PRKN: variants seen among roughly 807,000 people sequenced by gnomAD.
The protein encoded by PRKN is parkin RBR E3 ubiquitin protein ligase.
PRKN carries 56 observed loss-of-function variants against 59.5 expected under a neutral mutation model. The observed-to-expected ratio is 0.94, with a 90% CI of 0.76 to 1.18. PRKN has a LOEUF of 1.18. Ranked by LOEUF, PRKN falls within the 50% of genes most tolerant of loss-of-function variation. PRKN has a pLI of 0.00. For missense variants in PRKN, 657 were observed against 596.4 expected (o/e 1.10, Z -1.06); for synonymous variants, 250 against 222.1 (o/e 1.13, Z -1.12).
At chr6:162,571,935 A>G (rs905293514) in intron 1 of PRKN, among the ~76,000 whole-genome samples, 1 of 152,204 alleles carries the variant, frequency 6.6e-6, no homozygotes, top group Non-Finnish European at 1.5e-5. Context: ...AAGCAAGTAT[A>G]ATAAAGGTAC....
At chr6:162,252,337 T>C (rs1183334200) in intron 3 of PRKN, among the ~76,000 whole-genome samples, 1 of 152,206 alleles carries the variant, frequency 6.6e-6, no homozygotes, top group African/African-American at 2.4e-5. Flanking sequence ...TTTGCCTATC[T>C]GTATATAGAA....
intron 2 of PRKN, among the ~76,000 whole-genome samples, chr6:162,402,588 CTATACAATAAATCA>C (rs1160199551): frequency 6.6e-6 from 1 of 151,704 alleles, no homozygotes; most frequent in Non-Finnish European, 1.5e-5. Context: ...AACTAAAGCA[CTATACAATAAATCA>C]TAAATAGTAG....
At chr6:161,717,531 G>A (rs1355030842) in intron 7 of PRKN, among the ~76,000 whole-genome samples, 1 of 152,214 alleles carries the variant, frequency 6.6e-6, no homozygotes, top group Non-Finnish European at 1.5e-5. Context: ...ACTGTGGGGA[G>A]CAGGAATATG....
intron 4 of PRKN, among the ~76,000 whole-genome samples, chr6:162,064,579 C>T (rs1778247824): frequency 6.6e-6 from 1 of 152,178 alleles, no homozygotes; most frequent in Admixed American, 6.5e-5. Flanking sequence ...CATCAGGCTA[C>T]AAAACTCTTA....
At chr6:161,707,095 G>A (rs1475765454) in intron 7 of PRKN, among the ~76,000 whole-genome samples, 1 of 152,052 alleles carries the variant, frequency 6.6e-6, no homozygotes, top group Non-Finnish European at 1.5e-5. Context: ...TGGTAGATTT[G>A]AAGCAATGCT....
chr6:161,656,512 G>A (rs1444800821), intron 7 of PRKN, among the ~76,000 whole-genome samples: 1 of 152,188 alleles, frequency 6.6e-6, no homozygotes, highest in East Asian at 1.9e-4. Context: ...GGAGTTGGGA[G>A]GAGGCCTGCA....
At chr6:162,509,797 C>T (rs1007513939) in intron 1 of PRKN, among the ~76,000 whole-genome samples, 2 of 152,142 alleles carry the variant, frequency 1.3e-5, no homozygotes, top group Non-Finnish European at 2.9e-5. Context: ...TGGTGTAAAT[C>T]ATTAAATTAT....
intron 1 of PRKN, among the ~76,000 whole-genome samples, chr6:162,574,999 T>C (rs929920350): frequency 2.6e-5 from 4 of 152,164 alleles, no homozygotes; most frequent in African/African-American, 9.7e-5. Context: ...TCCCAGTTTA[T>C]GGTCCATCTT....
intron 3 of PRKN, among the ~76,000 whole-genome samples, chr6:162,218,750 G>A (rs1777807477): frequency 6.6e-6 from 1 of 152,102 alleles, no homozygotes. Context: ...CCCTATGTGA[G>A]GACCTGGTGC....
chr6:161,936,040 A>G (rs1336194870), intron 6 of PRKN, among the ~76,000 whole-genome samples: 25 of 152,212 alleles, frequency 1.6e-4, no homozygotes, highest in Non-Finnish European at 4.4e-5. Flanking sequence ...ATTTTAAACA[A>G]ATGAGATCAA....
chr6:161,990,458 A>G (rs1344701331), intron 5 of PRKN, among the ~76,000 whole-genome samples: 1 of 152,254 alleles, frequency 6.6e-6, no homozygotes, highest in Non-Finnish European at 1.5e-5. Context: ...AGGCACTGTA[A>G]AAAGCTCAAT....
At chr6:161,605,889 G>A (rs1782262451) in intron 7 of PRKN, among the ~76,000 whole-genome samples, 1 of 152,062 alleles carries the variant, frequency 6.6e-6, no homozygotes, top group African/African-American at 2.4e-5. Flanking sequence ...AGCATCCTAT[G>A]GTATCAGCCA....
At chr6:162,185,743 G>A (rs1954944) in intron 4 of PRKN, among the ~76,000 whole-genome samples, 43,977 of 151,956 alleles carry the variant, frequency 0.29, 7,031 homozygotes, top group South Asian at 0.44. Flanking sequence ...ATGTGTCAGC[G>A]GCATCCATGG....
intron 7 of PRKN, 135 bp downstream of exon 7, chr6:161,785,637 T>C: frequency 2.3e-6 from 2 of 867,388 alleles, no homozygotes; most frequent in African/African-American, 1.7e-5. Context: ...CAAACATTAA[T>C]GTTTCATATC....
chr6:161,414,700 C>G lies in PRKN; in HGVS notation c.1084-27823G>C, dbSNP rs963320660. ...ATTTTTTTTAACTGAGTAAGGTCAT[C>G]TTTTCCTGATGAAGCCCCAAAGTGC... On this transcript the variant is annotated intron_variant, in intron 9 of 11. Transcript: ENST00000366898. This position sits in a 1 kb window ranked among gnomAD's most constrained non-coding sequence, Gnocchi z 5.3. Among the ~76,000 whole-genome samples the G allele has an allele frequency of 6.6e-6, 1 of 152,130 alleles. No homozygotes were observed. The highest frequency in any genetic ancestry group is 1.5e-5 in the Non-Finnish European group (1 of 68,022).
chr6:162,546,402 C>T (rs565627024), intron 1 of PRKN, among the ~76,000 whole-genome samples: 115 of 151,842 alleles, frequency 7.6e-4, no homozygotes, highest in African/African-American at 2.4e-3. Context: ...AGCACCAGGT[C>T]GGTGTGCAGT....
intron 6 of PRKN, among the ~76,000 whole-genome samples, chr6:161,862,814 C>T (rs1177236473): frequency 6.6e-6 from 1 of 152,074 alleles, no homozygotes; most frequent in South Asian, 2.1e-4. Context: ...AACGAAGACC[C>T]GTCTATCTCT....
chr6:161,677,838 T>C (rs1166716619), intron 7 of PRKN, among the ~76,000 whole-genome samples: 6 of 152,190 alleles, frequency 3.9e-5, no homozygotes, highest in Non-Finnish European at 5.9e-5. Flanking sequence ...AAACTTCTCC[T>C]TCACTGTGAC....
At chr6:161,963,041 G>A (rs1297717337) in intron 6 of PRKN, among the ~76,000 whole-genome samples, 2 of 152,248 alleles carry the variant, frequency 1.3e-5, no homozygotes, top group South Asian at 2.1e-4. Flanking sequence ...TACTCAGGAG[G>A]CTGAGGCAGG....
Sources: gnomAD v4.1 joint callset for allele counts (sites outside exome capture counted in the v4.1 genomes callset) on GRCh38, gnomAD v4.1.1 for gene constraint, Gnocchi (gnomAD v3.1) non-coding constraint, MANE v1.5 for transcripts, NCBI Gene and HGNC (gene_info 2026-07-23, HGNC 2026-07-21) for gene names.